The following TSHZ3 variants were observed in gnomAD, a reference collection of about 807,000 sequenced individuals.
The protein encoded by TSHZ3 is teashirt homolog 3.
Under a neutral mutation model 64.5 loss-of-function variants are expected in TSHZ3, and 10 were observed. The ratio of observed to expected loss-of-function variants is 0.16; its 90% confidence interval spans 0.10 to 0.26. The LOEUF (loss-of-function observed/expected upper bound fraction) is 0.26. Among genes scored for constraint, TSHZ3 ranks in the 10% least tolerant of loss-of-function variants. TSHZ3 has a pLI of 1.00. For missense variants in TSHZ3, 1,242 were observed against 1,421.7 expected (o/e 0.87, Z 2.03); for synonymous variants, 608 against 593.1 (o/e 1.03, Z -0.36).
At chr19:31,186,075 C>G (rs1488691517) in intron 5 of TSHZ3, among the ~76,000 whole-genome samples, 1 of 152,122 alleles carries the variant, frequency 6.6e-6, no homozygotes, top group Non-Finnish European at 1.5e-5. Context: ...GTTCTTTTAA[C>G]GAATGTTGGG....
At chr19:31,172,068 A>G (rs1488549044) in intron 5 of TSHZ3, among the ~76,000 whole-genome samples, 2 of 152,210 alleles carry the variant, frequency 1.3e-5, no homozygotes, top group Non-Finnish European at 1.5e-5. Flanking sequence ...CAACTGAGAA[A>G]GATCTCTGGA....
intron 1 of TSHZ3, among the ~76,000 whole-genome samples, chr19:31,268,025 A>G (rs1199890628): frequency 6.6e-6 from 1 of 152,032 alleles, no homozygotes; most frequent in Non-Finnish European, 1.5e-5. Flanking sequence ...GTGGGAGGTA[A>G]TTGAATCATG....
chr19:31,253,617 C>A (rs1267627398), intron 1 of TSHZ3, among the ~76,000 whole-genome samples: 1 of 152,116 alleles, frequency 6.6e-6, no homozygotes, highest in Non-Finnish European at 1.5e-5. Context: ...CCCCTTCAGC[C>A]TCCCAAAGTG....
At chr19:31,269,928 C>G (rs1220347079) in intron 1 of TSHZ3, among the ~76,000 whole-genome samples, 2 of 152,292 alleles carry the variant, frequency 1.3e-5, no homozygotes, top group African/African-American at 4.8e-5. Flanking sequence ...GACAGCCACG[C>G]CAGCCACGGA....
At chr19:31,156,310 A>C (rs1974305339) in intron 6 of TSHZ3, among the ~76,000 whole-genome samples, 3 of 152,214 alleles carry the variant, frequency 2.0e-5, no homozygotes. Context: ...AGACAGAGAA[A>C]ATTTTTAGCA....
In TSHZ3 at chr19:31,317,431, C is replaced by T. The variant is rs1467886202; in HGVS notation, c.40+31749G>A. Among the ~76,000 whole-genome samples the T allele has an allele frequency of 3.9e-5, 6 of 152,304 alleles. No homozygotes were observed. The East Asian group carries it at 5.8e-4, about 15-fold the overall frequency. ...GCTGGGGGACCCTGGCTGCACCATA[C>T]AACCCAGGACCTGCCAGGGATTCAG... On this transcript the variant is annotated intron_variant, in intron 1 of 1. Coordinates refer to ENST00000240587, the MANE Select transcript of TSHZ3 (RefSeq NM_020856.4).
chr19:31,347,475 A>G (rs1043518083), intron 1 of TSHZ3, among the ~76,000 whole-genome samples: 1 of 152,192 alleles, frequency 6.6e-6, no homozygotes, highest in African/African-American at 2.4e-5. Context: ...AAAATTTCAA[A>G]GACTGGAAGA....
At chr19:31,306,222 C>T (rs1020305717) in intron 1 of TSHZ3, among the ~76,000 whole-genome samples, 1 of 152,144 alleles carries the variant, frequency 6.6e-6, no homozygotes, top group African/African-American at 2.4e-5. Context: ...GGGGCCTCTC[C>T]CAGACAGGTG....
chr19:31,293,483 G>C (rs1444105954), intron 1 of TSHZ3, among the ~76,000 whole-genome samples: 1 of 152,174 alleles, frequency 6.6e-6, no homozygotes, highest in Non-Finnish European at 1.5e-5. Context: ...GATTGATGCT[G>C]TTTCTTCCAT....
At chr19:31,301,534 A>C (rs1976756608) in intron 1 of TSHZ3, among the ~76,000 whole-genome samples, 2 of 152,204 alleles carry the variant, frequency 1.3e-5, no homozygotes, top group South Asian at 4.1e-4. Context: ...CAGGGCCTGC[A>C]GTGGCTGGGC....
At chr19:31,176,067 G>T (rs989312277) in intron 5 of TSHZ3, among the ~76,000 whole-genome samples, 19 of 152,240 alleles carry the variant, frequency 1.2e-4, no homozygotes, top group African/African-American at 4.6e-4. Context: ...GAAGGAGGAG[G>T]AAGCCCTCTG....
intron 3 of TSHZ3, among the ~76,000 whole-genome samples, chr19:31,236,354 T>A (rs1975614859): frequency 6.6e-6 from 1 of 152,198 alleles, no homozygotes; most frequent in Non-Finnish European, 1.5e-5. Flanking sequence ...AGGTGATATC[T>A]CATTGTGGTT....
chr19:31,242,946 A>T (rs1599601398), intron 1 of TSHZ3, among the ~76,000 whole-genome samples: 1 of 152,272 alleles, frequency 6.6e-6, no homozygotes, highest in African/African-American at 2.4e-5. Flanking sequence ...AGCAGATTGG[A>T]TGGTGCCTGC....
intron 5 of TSHZ3, among the ~76,000 whole-genome samples, chr19:31,166,357 G>C (rs1415727064): frequency 6.6e-6 from 1 of 152,212 alleles, no homozygotes; most frequent in African/African-American, 2.4e-5. Flanking sequence ...ACCCAGTGTG[G>C]TTTTGTTCCA....
chr19:31,164,739 T>C (rs1974420906), intron 5 of TSHZ3, among the ~76,000 whole-genome samples: 1 of 152,192 alleles, frequency 6.6e-6, no homozygotes, highest in Non-Finnish European at 1.5e-5. Context: ...CCAGCAGCTC[T>C]CCCCGGGGTG....
At chr19:31,270,109 A>T (rs1976115267), downstream of TSHZ3, among the ~76,000 whole-genome samples, 1 of 152,206 alleles carries the variant, frequency 6.6e-6, no homozygotes, top group Non-Finnish European at 1.5e-5. Context: ...AACTTCATAC[A>T]CCGGTGCCTG....
At position 31,208,992 on chromosome 19, in the gene TSHZ3, T is replaced by A. The variant is rs558787424; in HGVS notation, n.687-3914A>T. Among the ~76,000 whole-genome samples the A allele has an allele frequency of 2.0e-5, 3 of 152,214 alleles. No homozygotes were observed. In the East Asian group the frequency reaches 5.8e-4, roughly 29 times the overall value. On this transcript the variant is annotated intron_variant and non_coding_transcript_variant, in intron 4 of 6. Coordinates refer to the TSHZ3 transcript ENST00000651361. ...CCTGAAGGTAGTGGAGCAGTCAGGA[T>A]CCCGATGTCTGAGGTGTGTGATGAG...
intron 5 of TSHZ3, among the ~76,000 whole-genome samples, chr19:31,171,373 T>C (rs929903244): frequency 3.3e-5 from 5 of 152,094 alleles, no homozygotes; most frequent in African/African-American, 4.8e-5. Flanking sequence ...AGATGGGAGA[T>C]GAGTCCCAAA....
At chr19:31,150,942 G>A (rs1426515569) in exon 7 of TSHZ3, among the ~76,000 whole-genome samples, 1 of 152,112 alleles carries the variant, frequency 6.6e-6, no homozygotes, top group African/African-American at 2.4e-5. Context: ...CCAAGGAGAA[G>A]ACCTTCCATA....
Sources: allele counts gnomAD v4.1 joint callset (sites outside exome capture counted in the v4.1 genomes callset), GRCh38; gene constraint gnomAD v4.1.1; transcripts MANE v1.5; gene names NCBI Gene and HGNC (gene_info 2026-07-23, HGNC 2026-07-21).